PACRG: variants seen among roughly 807,000 people sequenced by gnomAD.
The protein encoded by PACRG is parkin coregulated.
PACRG carries 29 observed loss-of-function variants against 29.7 expected under a neutral mutation model. The ratio of observed to expected loss-of-function variants is 0.98; its 90% confidence interval spans 0.73 to 1.33. The LOEUF (loss-of-function observed/expected upper bound fraction) is 1.33, where lower values mean the gene tolerates loss of function less well. PACRG is among the 40% of genes most tolerant of loss of function. The probability of loss-of-function intolerance (pLI) is 0.00; values close to 1 mark genes in which losing one functional copy is unlikely to be tolerated. For missense variants in PACRG, 279 were observed against 316.2 expected (o/e 0.88, Z 0.89); for synonymous variants, 116 against 118.7 (o/e 0.98, Z 0.15).
intron 2 of PACRG, among the ~76,000 whole-genome samples, chr6:162,821,053 G>C (rs1026637964): frequency 6.6e-6 from 1 of 152,004 alleles, no homozygotes; most frequent in Non-Finnish European, 1.5e-5. Context: ...AAAGTGTATA[G>C]CATGAAAATA....
At chr6:163,175,037 A>G (rs1009664396) in intron 4 of PACRG, among the ~76,000 whole-genome samples, 1 of 152,210 alleles carries the variant, frequency 6.6e-6, no homozygotes, top group Non-Finnish European at 1.5e-5. Context: ...TGCGTCATCT[A>G]CTTTGTATGA....
rs547061634 is a variant in PACRG at position 162,817,787 on chromosome 6, C to T, written c.291+3506C>T. 2.0e-5 allele frequency among the ~76,000 whole-genome samples: 3 copies of T among 152,212 alleles called. No individual in the cohort carries two copies. The East Asian group carries it at 5.8e-4, about 29-fold the overall frequency. ...GCTACCCAGATAGATAGAAGGCTAT[C>T]ACTGTGTTAGAATTTTTATTATTAA... On this transcript the variant is annotated intron_variant, in intron 2 of 4. Transcript: ENST00000366888.
intron 4 of PACRG, among the ~76,000 whole-genome samples, chr6:163,200,635 G>A (rs575933993): frequency 6.6e-6 from 1 of 152,060 alleles, no homozygotes; most frequent in African/African-American, 2.4e-5. Flanking sequence ...TCCAAGGAAG[G>A]TCAAATTTTA....
intron 4 of PACRG, among the ~76,000 whole-genome samples, chr6:163,142,323 A>G (rs939071184): frequency 4.6e-5 from 7 of 152,346 alleles, no homozygotes; most frequent in African/African-American, 1.7e-4. Flanking sequence ...GAGCACAAGA[A>G]AAAAGTCACA....
At chr6:162,770,654 T>A (rs975420552) in intron 1 of PACRG, among the ~76,000 whole-genome samples, 2 of 152,162 alleles carry the variant, frequency 1.3e-5, no homozygotes, top group African/African-American at 4.8e-5. Flanking sequence ...TGCATTTTCA[T>A]TGCAGGCATC....
chr6:163,085,314 C>CT (rs763877160), intron 3 of PACRG, among the ~76,000 whole-genome samples: 3 of 152,166 alleles, frequency 2.0e-5, no homozygotes, highest in Non-Finnish European at 4.4e-5. Flanking sequence ...AGCTGTGGCT[C>CT]TGAGTCCTTC....
At chr6:163,207,462 T>C (rs892711667) in intron 4 of PACRG, among the ~76,000 whole-genome samples, 1 of 152,202 alleles carries the variant, frequency 6.6e-6, no homozygotes, top group African/African-American at 2.4e-5. Context: ...TCGATTTTTA[T>C]TTCCTTGGCT....
intron 2 of PACRG, among the ~76,000 whole-genome samples, chr6:162,883,983 A>G (rs944717549): frequency 6.6e-6 from 1 of 152,080 alleles, no homozygotes; most frequent in African/African-American, 2.4e-5. Flanking sequence ...CTGTCACCCA[A>G]GCTGGAGTGT....
At chr6:162,895,402 C>A (rs1306684127) in intron 2 of PACRG, among the ~76,000 whole-genome samples, 1 of 152,098 alleles carries the variant, frequency 6.6e-6, no homozygotes, top group Non-Finnish European at 1.5e-5. Context: ...TCACCCAAAG[C>A]TCATGGCCTT....
intron 2 of PACRG, among the ~76,000 whole-genome samples, chr6:162,890,731 A>G (rs964844872): frequency 2.0e-5 from 3 of 152,174 alleles, no homozygotes; most frequent in Non-Finnish European, 4.4e-5. Context: ...CTCAGTCTTT[A>G]TATCACATAC....
At chr6:163,067,704 T>C (rs1811679516) in intron 3 of PACRG, among the ~76,000 whole-genome samples, 1 of 152,198 alleles carries the variant, frequency 6.6e-6, no homozygotes, top group African/African-American at 2.4e-5. Context: ...ATTTGGAAAC[T>C]CCTTTGAAAG....
At chr6:162,981,305 A>ATATTTTTTTTTT (rs925663285) in intron 2 of PACRG, among the ~76,000 whole-genome samples, 2 of 149,132 alleles carry the variant, frequency 1.3e-5, no homozygotes, top group African/African-American at 5.0e-5. Flanking sequence ...ATATATATAT[A>ATATTTTTTTTTT]TTTACAATGG....
At chr6:163,121,425 G>A (rs567434820) in intron 4 of PACRG, among the ~76,000 whole-genome samples, 2 of 152,170 alleles carry the variant, frequency 1.3e-5, no homozygotes, top group South Asian at 4.2e-4. Context: ...CTACCTCGGG[G>A]CTTCTGTGAT....
chr6:162,755,077 A>G (rs538410850), intron 1 of PACRG, among the ~76,000 whole-genome samples: 4 of 152,264 alleles, frequency 2.6e-5, no homozygotes, highest in African/African-American at 9.6e-5. Context: ...GTGTGTTGGC[A>G]TATAATTTTT....
At chr6:163,178,323 G>C (rs770648989) in intron 4 of PACRG, among the ~76,000 whole-genome samples, 8 of 152,206 alleles carry the variant, frequency 5.3e-5, no homozygotes, top group Non-Finnish European at 1.0e-4. Flanking sequence ...GCACGGACGT[G>C]CTGATCTTAT....
At chr6:162,943,297 T>A (rs1269086848) in intron 2 of PACRG, among the ~76,000 whole-genome samples, 1 of 152,026 alleles carries the variant, frequency 6.6e-6, no homozygotes, top group Admixed American at 6.5e-5. Flanking sequence ...CCCATTGATA[T>A]CCCCCATCCA....
At chr6:163,065,929 T>C (rs1382168064) in intron 3 of PACRG, among the ~76,000 whole-genome samples, 1 of 152,048 alleles carries the variant, frequency 6.6e-6, no homozygotes, top group African/African-American at 2.4e-5. Flanking sequence ...AGAAAAGATA[T>C]TAAATTGGAG....
intron 4 of PACRG, among the ~76,000 whole-genome samples, chr6:163,189,051 T>A (rs538714531): frequency 1.8e-4 from 28 of 152,294 alleles, no homozygotes; most frequent in African/African-American, 6.0e-4. Context: ...TTGATTAAAA[T>A]GTCAAAGGTG....
At chr6:162,945,733 G>T (rs1209848026) in intron 2 of PACRG, among the ~76,000 whole-genome samples, 1 of 152,044 alleles carries the variant, frequency 6.6e-6, no homozygotes. Context: ...CTCCAGGATA[G>T]TTCATATGTT....
Sources: allele counts gnomAD v4.1 joint callset (sites outside exome capture counted in the v4.1 genomes callset), GRCh38; gene constraint gnomAD v4.1.1; transcripts MANE v1.5; gene names NCBI Gene and HGNC (gene_info 2026-07-23, HGNC 2026-07-21).